ZNF564: variants seen among roughly 807,000 people sequenced by gnomAD.
ZNF564 encodes the protein zinc finger protein 564.
Under a neutral mutation model 10.5 loss-of-function variants are expected in ZNF564, and 5 were observed. That is an observed-to-expected ratio of 0.48 (90% confidence interval 0.25 to 1.00). ZNF564 has a LOEUF of 1.00. ZNF564 is among the 50% of genes least tolerant of loss of function. The probability of loss-of-function intolerance (pLI) is 0.16; values close to 1 mark genes in which losing one functional copy is unlikely to be tolerated. For synonymous variants in ZNF564, 242 were observed against 218.1 expected (o/e 1.11, Z -0.97); for missense variants, 603 against 669.7 (o/e 0.90, Z 1.10).
intron 1 of ZNF564, 149 bp from the exon 2 acceptor site, chr19:12,528,845 C>T: frequency 1.2e-6 from 1 of 820,180 alleles, no homozygotes; most frequent in Non-Finnish European, 1.8e-6. Flanking sequence ...ATACAGATCA[C>T]CTGAGGTCAG....
intron 1 of ZNF564, among the ~76,000 whole-genome samples, chr19:12,531,083 C>T (rs1002725405): frequency 9.2e-5 from 14 of 152,136 alleles, no homozygotes; most frequent in Non-Finnish European, 1.8e-4. Flanking sequence ...GAAATGTCCT[C>T]AAGATAGCCT....
In ZNF564 at chr19:12,528,920, TG is replaced by T. The variant is rs368750666; in HGVS notation, c.4-225del. 5.6e-4 allele frequency among the ~76,000 whole-genome samples: 85 copies of T among 152,250 alleles called. 1 individual carries two copies. The highest frequency in any genetic ancestry group is 2.0e-3 in the African/African-American group (84 of 41,568). On this transcript the variant is annotated intron_variant, in intron 1 of 3. Transcript: ENST00000339282. The stretch of plus-strand genomic sequence containing the variant: ...CTCTACTACAGATATATGAATTAGC[TG>T]GGCGTGGTGGCGTATGCCTGTTAAT...
At chr19:12,548,159 T>G in intron 1 of ZNF564, 7 of 982,282 alleles carry the variant, frequency 7.1e-6, no homozygotes, top group Non-Finnish European at 8.5e-6. Flanking sequence ...TCCAGCAAAA[T>G]CACTCAAACT....
At chr19:12,528,954 A>G (rs1292547698) in intron 1 of ZNF564, among the ~76,000 whole-genome samples, 1 of 152,148 alleles carries the variant, frequency 6.6e-6, no homozygotes, top group African/African-American at 2.4e-5. Context: ...AATCCCGGCT[A>G]CTCAGGAGGC....
rs563815899 is a variant in ZNF564, at chr19:12,529,998, A to G, written c.4-1302T>C. On this transcript the variant is annotated intron_variant, in intron 1 of 3. Coordinates refer to ENST00000339282, the MANE Select transcript of ZNF564 (RefSeq NM_144976.4). The stretch of plus-strand genomic sequence containing the variant: ...AAACTCTGTCTCAAAAAAAAAAAAA[A>G]AAAGAAAGAAAGAAAGAAAAAAAGA... 5.0e-3 allele frequency: 782 copies of G among 157,654 alleles called. 10 individuals are homozygous for G. Among genetic ancestry groups the G allele is most frequent in the African/African-American group, 0.018 (733 of 41,312 alleles). The allele number at this position is 157,654 out of a possible 1,614,324, so 9.8% of individuals were successfully genotyped here.
chr19:12,549,706 G>A (rs1489972827), intron 1 of ZNF564, among the ~76,000 whole-genome samples: 1 of 152,176 alleles, frequency 6.6e-6, no homozygotes, highest in East Asian at 1.9e-4. Flanking sequence ...AGGGGATACC[G>A]GGAGACTCCT....
intron 1 of ZNF564, among the ~76,000 whole-genome samples, chr19:12,531,565 A>G (rs2021802020): frequency 6.6e-6 from 1 of 151,920 alleles, no homozygotes; most frequent in African/African-American, 2.4e-5. Context: ...CTGTCTCCAA[A>G]AAAAATAAAA....
intron 1 of ZNF564, chr19:12,548,697 C>T (rs2022198102): frequency 1.5e-6 from 1 of 675,344 alleles, no homozygotes; most frequent in Non-Finnish European, 2.7e-6. Flanking sequence ...CCCTTTCAGA[C>T]AATAGAGACC....
chr19:12,528,390 T>A (rs748482467), intron 2 of ZNF564, 26 bp from the exon 3 acceptor site: 1 of 1,595,274 alleles, frequency 6.3e-7, no homozygotes, highest in African/African-American at 1.4e-5. Context: ...AAAAAATCCT[T>A]ATGAACTGAT....
chr19:12,531,516 G>A (rs1248829069), intron 1 of ZNF564, among the ~76,000 whole-genome samples: 1 of 151,900 alleles, frequency 6.6e-6, no homozygotes, highest in Non-Finnish European at 1.5e-5. Flanking sequence ...GCAGTGAGCC[G>A]AGATTGTGCC....
chr19:12,530,820 G>A (rs1215748192), intron 1 of ZNF564, among the ~76,000 whole-genome samples: 2 of 152,156 alleles, frequency 1.3e-5, no homozygotes, highest in African/African-American at 4.8e-5. Flanking sequence ...ACACTGGAGT[G>A]CAGTGGCATG....
intron 1 of ZNF564, among the ~76,000 whole-genome samples, chr19:12,546,488 G>C (rs1334729006): frequency 6.6e-6 from 1 of 152,186 alleles, no homozygotes; most frequent in Non-Finnish European, 1.5e-5. Flanking sequence ...CAGCACTCTG[G>C]GAGGCCGAGG....
At chr19:12,548,866 C>T (rs1213440681) in intron 1 of ZNF564, 8 of 702,582 alleles carry the variant, frequency 1.1e-5, no homozygotes, top group Admixed American at 2.0e-5. Context: ...CTCTACCCTG[C>T]AAAGGAGAAG....
chr19:12,550,292 CAA>C (rs148242369), intron 1 of ZNF564: 18 of 116,214 alleles, frequency 1.5e-4, no homozygotes, highest in South Asian at 9.9e-4. Flanking sequence ...AACTCTGTCT[CAA>C]AAAAAAAAAA....
rs1365033677 is a variant in ZNF564, at chr19:12,528,314, T to C, written c.181A>G (p.Arg61Gly). ...GTCAGTGCAAATTACCTTAAAATTC[T>C]CCCCTGATTTTTGTACCAATCTTCA... ...SIEDWYKNQG[R>G]ILRNHMEEGL... Residue 61 changes from arginine (R) to glycine (G), a missense_variant, in exon 3 of 4, where the codon AGA becomes GGA. Coordinates refer to ENST00000339282, the MANE Select transcript of ZNF564 (RefSeq NM_144976.4). The C allele has an allele frequency of 1.2e-6, 2 of 1,609,440 alleles. No individual in the cohort carries two copies. Among genetic ancestry groups the C allele is most frequent in the Non-Finnish European group, 1.7e-6 (2 of 1,178,994 alleles).
intron 1 of ZNF564, among the ~76,000 whole-genome samples, chr19:12,545,888 T>G (rs908512188): frequency 6.6e-6 from 1 of 152,178 alleles, no homozygotes; most frequent in African/African-American, 2.4e-5. Flanking sequence ...GGGTAGGGAA[T>G]GGAGCTTAAA....
At position 12,546,219 on chromosome 19, in the gene ZNF564, T is replaced by C. The variant is rs551900258; in HGVS notation, c.3+5111A>G. ...CTCTAAGTCTGACCCTCACAGACATTTGCAGAAATTACACTCTGACTAAAC... is the reference window on the plus strand; with the variant it reads ...CTCTAAGTCTGACCCTCACAGACATCTGCAGAAATTACACTCTGACTAAAC... On this transcript the variant is annotated intron_variant, in intron 1 of 3. Coordinates refer to ENST00000339282, the MANE Select transcript of ZNF564 (RefSeq NM_144976.4). Among the ~76,000 whole-genome samples, 268 of 152,284 alleles carry C rather than the reference T, an allele frequency of 1.8e-3. 2 individuals carry two copies. The highest frequency in any genetic ancestry group is 2.6e-3 in the Non-Finnish European group (178 of 68,030).
At chr19:12,537,662 C>T (rs769800671) in intron 1 of ZNF564, among the ~76,000 whole-genome samples, 4 of 147,500 alleles carry the variant, frequency 2.7e-5, no homozygotes, top group African/African-American at 5.0e-5. Context: ...CACTTGAACC[C>T]GGGAGGCGGA....
chr19:12,538,664 G>C (rs1293733863), intron 1 of ZNF564, among the ~76,000 whole-genome samples: 2 of 151,880 alleles, frequency 1.3e-5, no homozygotes, highest in Non-Finnish European at 2.9e-5. Context: ...ATTTTAACTA[G>C]TCGAGTGTGG....
Sources: gnomAD v4.1 joint callset for allele counts (sites outside exome capture counted in the v4.1 genomes callset) on GRCh38, gnomAD v4.1.1 for gene constraint, MANE v1.5 for transcripts, NCBI Gene and HGNC (gene_info 2026-07-23, HGNC 2026-07-21) for gene names.